RAPGEF6: variants seen among roughly 807,000 people sequenced by gnomAD.
The protein encoded by RAPGEF6 is Rap guanine nucleotide exchange factor 6.
A neutral mutation model predicts 171.4 loss-of-function variants in RAPGEF6; 56 were observed. The observed-to-expected ratio is 0.33, with a 90% CI of 0.26 to 0.41. The LOEUF is 0.41. Among genes scored for constraint, RAPGEF6 ranks in the 10% least tolerant of loss-of-function variants. RAPGEF6 has a pLI of 1.00. For synonymous variants in RAPGEF6, 692 were observed against 650.1 expected (o/e 1.06, Z -0.98); for missense variants, 1,674 against 1,921.4 (o/e 0.87, Z 2.41).
Position 131,461,690 on chromosome 5 carries a change from T to C in RAPGEF6, c.2864+15A>G, listed in dbSNP as rs1753946847. ...AAAACCATACAGACATTTGTACCTATTTGTACCAACTTACCTTATTATTGC... is the reference window on the plus strand; with the variant it reads ...AAAACCATACAGACATTTGTACCTACTTGTACCAACTTACCTTATTATTGC... On this transcript the variant is annotated intron_variant, in intron 19 of 27. Coordinates refer to ENST00000509018, the MANE Select transcript of RAPGEF6 (RefSeq NM_016340.6). 1.3e-6 allele frequency: 2 copies of C among 1,582,084 alleles called. No individual in the cohort carries two copies. The highest frequency in any genetic ancestry group is 1.7e-6 in the Non-Finnish European group (2 of 1,159,340).
At chr5:131,464,415 T>G (rs1754177099) in intron 17 of RAPGEF6, 134 bp from the exon 18 acceptor site, 1 of 691,158 alleles carries the variant, frequency 1.4e-6, no homozygotes, top group South Asian at 1.7e-5. Flanking sequence ...TTAACAGAAG[T>G]CACTGTTGCA....
intron 20 of RAPGEF6, among the ~76,000 whole-genome samples, chr5:131,454,364 A>T (rs1398687056): frequency 6.6e-6 from 1 of 152,212 alleles, no homozygotes; most frequent in East Asian, 1.9e-4. Context: ...TTATTTCTGT[A>T]ATCTCACTTT....
chr5:131,550,133 C>A (rs1483216561), intron 5 of RAPGEF6, among the ~76,000 whole-genome samples: 1 of 152,078 alleles, frequency 6.6e-6, no homozygotes, highest in Non-Finnish European at 1.5e-5. Context: ...ATTCCCATTA[C>A]CACCTCCCCT....
At chr5:131,562,198 AAAAG>A (rs893400618) in intron 4 of RAPGEF6, 151 bp from the exon 5 acceptor site, 16 of 551,494 alleles carry the variant, frequency 2.9e-5, no homozygotes, top group African/African-American at 1.4e-4. Flanking sequence ...GATTTTCTAA[AAAAG>A]AAAGAAAAAA....
At chr5:131,623,726 C>T (rs1765737449) in intron 1 of RAPGEF6, among the ~76,000 whole-genome samples, 1 of 151,934 alleles carries the variant, frequency 6.6e-6, no homozygotes, top group African/African-American at 2.4e-5. Context: ...CTCAGGGGAT[C>T]TGCCCGCCTC....
chr5:131,471,667 A>G (rs920610015), intron 17 of RAPGEF6, among the ~76,000 whole-genome samples: 2 of 152,204 alleles, frequency 1.3e-5, no homozygotes, highest in Non-Finnish European at 2.9e-5. Flanking sequence ...TTCAAAGTCG[A>G]AAGTTTTCTT....
intron 10 of RAPGEF6, 40 bp from the exon 11 acceptor site, chr5:131,504,818 G>A (rs1757250807): frequency 6.4e-7 from 1 of 1,559,862 alleles, no homozygotes; most frequent in Non-Finnish European, 8.7e-7. Context: ...TGAACCTATA[G>A]TACATAAATA....
rs768328730 is a variant in RAPGEF6, at chr5:131,504,797, G to C, written c.1102-19C>G. 5 of 1,602,230 alleles carry C rather than the reference G, an allele frequency of 3.1e-6. No individual in the cohort carries two copies. Among genetic ancestry groups the C allele is most frequent in the Non-Finnish European group, 4.3e-6 (5 of 1,174,392 alleles). ...AGACAAACTGTCCAAGAACAACATG[G>C]GGACAGTTAATGAACCTATAGTACA... On this transcript the variant is annotated intron_variant, in intron 10 of 27. Coordinates refer to ENST00000509018, the MANE Select transcript of RAPGEF6 (RefSeq NM_016340.6).
intron 15 of RAPGEF6, among the ~76,000 whole-genome samples, chr5:131,489,004 A>T (rs1193814973): frequency 1.3e-5 from 2 of 152,214 alleles, no homozygotes; most frequent in Non-Finnish European, 2.9e-5. Context: ...TATAAACATG[A>T]TAAAAACACA....
chr5:131,590,835 C>G (rs1763545121), intron 4 of RAPGEF6, among the ~76,000 whole-genome samples: 1 of 152,172 alleles, frequency 6.6e-6, no homozygotes, highest in Non-Finnish European at 1.5e-5. Flanking sequence ...CCATTCAGAA[C>G]AGCAGGAGTG....
intron 1 of RAPGEF6, among the ~76,000 whole-genome samples, chr5:131,613,538 C>A (rs1561607377): frequency 6.6e-6 from 1 of 151,674 alleles, no homozygotes; most frequent in Non-Finnish European, 1.5e-5. Context: ...TATTTGTGGC[C>A]CAGATGGTTT....
intron 18 of RAPGEF6, among the ~76,000 whole-genome samples, chr5:131,462,797 G>A (rs1431964645): frequency 2.0e-5 from 3 of 152,142 alleles, no homozygotes; most frequent in South Asian, 2.1e-4. Context: ...CTTTTACTTC[G>A]TTCTTTTCTA....
At chr5:131,593,949 C>T (rs1482499186) in intron 3 of RAPGEF6, among the ~76,000 whole-genome samples, 1 of 152,184 alleles carries the variant, frequency 6.6e-6, no homozygotes, top group South Asian at 2.1e-4. Context: ...AAAGAAAACC[C>T]CATTCTCTGG....
At chr5:131,493,158 G>A (rs183784336) in intron 13 of RAPGEF6, among the ~76,000 whole-genome samples, 14 of 152,098 alleles carry the variant, frequency 9.2e-5, no homozygotes, top group African/African-American at 2.9e-4. Context: ...TCCACCTCCC[G>A]GGTTCATGCC....
intron 7 of RAPGEF6, among the ~76,000 whole-genome samples, chr5:131,512,882 A>G (rs1757830785): frequency 6.6e-6 from 1 of 152,152 alleles, no homozygotes; most frequent in Non-Finnish European, 1.5e-5. Context: ...GAGGTCTTTT[A>G]CCAGACACCA....
At chr5:131,526,830 C>T (rs1409612458) in intron 6 of RAPGEF6, among the ~76,000 whole-genome samples, 1 of 152,170 alleles carries the variant, frequency 6.6e-6, no homozygotes, top group Non-Finnish European at 1.5e-5. Flanking sequence ...GATCACATGT[C>T]CACAAGGCCT....
At chr5:131,587,027 C>T (rs375971588) in intron 4 of RAPGEF6, among the ~76,000 whole-genome samples, 10 of 152,302 alleles carry the variant, frequency 6.6e-5, no homozygotes, top group African/African-American at 2.2e-4. Flanking sequence ...TGCATGGTAC[C>T]TGGGATTCAA....
At chr5:131,528,077 TTATATTATATGTAATATAAATTTA>T (rs2149918942) in intron 6 of RAPGEF6, among the ~76,000 whole-genome samples, 1 of 57,720 alleles carries the variant, frequency 1.7e-5, no homozygotes, top group Non-Finnish European at 4.3e-5. Context: ...AATTTATAAT[TTATATTATATGTAATATAAATTTA>T]TATATTATAT....
At chr5:131,481,588 G>C (rs1561498351) in intron 15 of RAPGEF6, among the ~76,000 whole-genome samples, 1 of 152,132 alleles carries the variant, frequency 6.6e-6, no homozygotes, top group African/African-American at 2.4e-5. Context: ...TCCTTAATGA[G>C]GGTGCAGGTA....
Sources: gnomAD v4.1 joint callset for allele counts (sites outside exome capture counted in the v4.1 genomes callset) on GRCh38, gnomAD v4.1.1 for gene constraint, MANE v1.5 for transcripts, NCBI Gene and HGNC (gene_info 2026-07-23, HGNC 2026-07-21) for gene names.